The following DPF1 variants were observed in gnomAD, a reference collection of about 807,000 sequenced individuals.
DPF1 encodes the protein double PHD fingers 1, also known as zinc finger protein neuro-d4.
Under a neutral mutation model 58.7 loss-of-function variants are expected in DPF1, and 14 were observed. The ratio of observed to expected loss-of-function variants is 0.24; its 90% CI spans 0.16 to 0.37. The LOEUF (loss-of-function observed/expected upper bound fraction) is 0.37. DPF1 is among the 10% of genes least tolerant of loss of function. DPF1 has a pLI of 1.00. For synonymous variants in DPF1, 216 were observed against 216.0 expected, an observed-to-expected ratio of 1.00 and a Z score of 0.00; for missense variants, 345 against 529.9, an observed-to-expected ratio of 0.65 and a Z score of 3.43.
chr19:38,216,242 C>T lies in DPF1; in HGVS notation c.796G>A (p.Gly266Ser). Reference sequence around the variant, plus strand: ...CAGTAGCCGTTGGGGATGACAGTGCCGTCGGGCGCCTTCTTGGCTGCAAGA... The same window carrying T: ...CAGTAGCCGTTGGGGATGACAGTGCTGTCGGGCGCCTTCTTGGCTGCAAGA... ...RKHTAKKAPD[G>S]TVIPNGYCDF... Residue 266 changes from glycine to serine, a missense_variant, in exon 9 of 12, where the codon GGC (glycine) becomes AGC (serine). Physicochemically the swap from Gly to Ser is moderately conservative, Grantham distance 56 (BLOSUM62 0). Coordinates refer to ENST00000355526, the MANE Select transcript of DPF1 (RefSeq NM_001135155.3). 3 of 1,614,142 alleles carry T rather than the reference C, an allele frequency of 1.9e-6. No individual in the cohort carries two copies. The highest frequency in any genetic ancestry group is 2.5e-6 in the Non-Finnish European group (3 of 1,180,006).
In DPF1 at chr19:38,212,003, A is replaced by G. The variant is rs547033236; in HGVS notation, c.*60T>C. On this transcript the variant is annotated 3_prime_UTR_variant, in exon 12 of 12. Coordinates refer to ENST00000355526, the MANE Select transcript of DPF1 (RefSeq NM_001135155.3). Reference sequence around the variant, plus strand: ...GGATGTTCAGGGTGGGGGAGAATTGAGGAGCTCGGAGAGGCAGGTAGGCGA... The same window carrying G: ...GGATGTTCAGGGTGGGGGAGAATTGGGGAGCTCGGAGAGGCAGGTAGGCGA... 6.4e-7 allele frequency: 1 copy of G among 1,564,306 alleles called. No individual in the cohort carries two copies. The highest frequency in any genetic ancestry group is 2.3e-5 in the East Asian group (1 of 43,844).
chr19:38,228,236 C>T (rs1437828473), upstream of DPF1, among the ~76,000 whole-genome samples: 1 of 151,942 alleles, frequency 6.6e-6, no homozygotes, highest in African/African-American at 2.4e-5. Flanking sequence ...AGGCGCTTGC[C>T]TCTAAGTCCC....
chr19:38,216,238 G>C lies in DPF1; in HGVS notation c.800C>G (p.Thr267Ser), dbSNP rs1464843280. The C allele has an allele frequency of 5.6e-6, 9 of 1,614,084 alleles. No individual in the cohort carries two copies. Among genetic ancestry groups the C allele is most frequent in the African/African-American group, 1.3e-5 (1 of 74,946 alleles). ...KHTAKKAPDG[T>S]VIPNGYCDFC... is the part of the protein sequence containing the mutation. ...GTCACAGTAGCCGTTGGGGATGACA[G>C]TGCCGTCGGGCGCCTTCTTGGCTGC... The change falls in exon 9 of 12, where the codon ACT (threonine) becomes AGT (serine). Residue 267 changes from threonine to serine, a missense_variant. Coordinates refer to ENST00000355526, the MANE Select transcript of DPF1 (RefSeq NM_001135155.3).
Position 38,211,976 on chromosome 19 carries a change from CG to C in DPF1, c.*86del. On this transcript the variant is annotated 3_prime_UTR_variant, in exon 12 of 12. Coordinates refer to ENST00000355526, the MANE Select transcript of DPF1 (RefSeq NM_001135155.3). This position sits in a 1 kb window ranked among gnomAD's most constrained non-coding sequence, Gnocchi z 4.0. ...GCTTCCCCCTCTCCCCCTCCCCCTG[CG>C]GGATGTTCAGGGTGGGGGAGAATTG... is the stretch of plus-strand genomic sequence containing the variant. 6.9e-7 allele frequency: 1 copy of C among 1,454,222 alleles called. No homozygotes were observed. The highest frequency in any genetic ancestry group is 9.4e-7 in the Non-Finnish European group (1 of 1,059,062). The allele number at this position is 1,454,222 out of a possible 1,614,324, so 90.1% of individuals were successfully genotyped here.
chr19:38,217,399 C>CGGG, intron 7 of DPF1, 61 bp downstream of exon 7: 2 of 1,233,482 alleles, frequency 1.6e-6, no homozygotes, highest in Non-Finnish European at 2.2e-6. Context: ...CCACCCCCAG[C>CGGG]TGGGCTCCTC....
chr19:38,214,918 C>A (rs1966902464), intron 9 of DPF1, among the ~76,000 whole-genome samples: 1 of 148,894 alleles, frequency 6.7e-6, no homozygotes. Flanking sequence ...TCATGGCAAC[C>A]TCTGAGCCCC....
chr19:38,221,863 C>T (rs781562397), intron 3 of DPF1, among the ~76,000 whole-genome samples: 35 of 152,050 alleles, frequency 2.3e-4, no homozygotes, highest in Non-Finnish European at 4.1e-4. Context: ...GGCCAGATCA[C>T]CTGAGGTCAG....
Position 38,222,458 on chromosome 19 carries a change from G to A in DPF1, c.197C>T (p.Ala66Val), listed in dbSNP as rs1281376548. The change falls in exon 3 of 12, where the codon GCC becomes GTC. Residue 66 changes from alanine (A) to valine (V), a missense_variant. Coordinates refer to ENST00000355526, the MANE Select transcript of DPF1 (RefSeq NM_001135155.3). This position sits in a 1 kb window ranked among gnomAD's most constrained non-coding sequence, Gnocchi z 4.9. ...GGGGTACGTGTAAATCTGTCCCGGG[G>A]CCAAACCTGGAGAGAGAGGGGGGTG... Reference protein sequence around the residue: ...MEKTHRGPGLAPGQIYTYPAR... With the variant: ...MEKTHRGPGLVPGQIYTYPAR... The A allele has an allele frequency of 6.3e-7, 1 of 1,583,500 alleles. No homozygotes were observed. Among genetic ancestry groups the A allele is most frequent in the Non-Finnish European group, 8.5e-7 (1 of 1,170,788 alleles).
At position 38,219,005 on chromosome 19, in the gene DPF1, C is replaced by T. The variant is rs913780588; in HGVS notation, c.352G>A (p.Glu118Lys). 3.1e-6 allele frequency: 5 copies of T among 1,614,178 alleles called. No individual in the cohort carries two copies. Among genetic ancestry groups the T allele is most frequent in the South Asian group, 1.1e-5 (1 of 91,086 alleles). Residue 118 changes from glutamate to lysine, a missense_variant, in exon 4 of 12, where the codon GAG (glutamate) becomes AAG (lysine). Coordinates refer to ENST00000355526, the MANE Select transcript of DPF1 (RefSeq NM_001135155.3). ...CCCGTCTCTGCACACAGTAGAGCCT[C>T]GAGGACCGGCCCTTCCGGGAGGCCA... Reference protein sequence around the residue: ...EGGLPEGPVLEALLCAETGEK... With the variant: ...EGGLPEGPVLKALLCAETGEK...
chr19:38,217,722 G>A, intron 6 of DPF1, 76 bp downstream of exon 6: 1 of 1,600,688 alleles, frequency 6.2e-7, no homozygotes, highest in Non-Finnish European at 8.5e-7. Flanking sequence ...GTCTGGAACG[G>A]GAGGGAGAGG....
chr19:38,217,918 A>T, intron 5 of DPF1, 42 bp from the exon 6 acceptor site: 1 of 1,608,142 alleles, frequency 6.2e-7, no homozygotes, highest in Non-Finnish European at 8.5e-7. Context: ...AAAGTGAGAA[A>T]ACAGGCCAGG....
At position 38,216,185 on chromosome 19, in the gene DPF1, C is replaced by A; in HGVS notation, c.853G>T (p.Gly285Trp). 6.2e-7 allele frequency: 1 copy of A among 1,614,128 alleles called. No individual in the cohort carries two copies. The highest frequency in any genetic ancestry group is 8.5e-7 in the Non-Finnish European group (1 of 1,180,024). The change falls in exon 9 of 12, where the codon GGG becomes TGG. Residue 285 changes from glycine to tryptophan, a missense_variant. Gly to Trp is a radical substitution (Grantham distance 184). Transcript: ENST00000355526. ...DFCLGGSKKT[G>W]CPEDLISCAD... ...CAGGAGATGAGGTCCTCGGGACACC[C>A]CGTCTTCTTGGAGCCCCCCAGGCAG...
At position 38,222,243 on chromosome 19, in the gene DPF1, GAC is replaced by G. The variant is rs1165313320; in HGVS notation, c.298+112_298+113del. 1 of 955,238 alleles carries G rather than the reference GAC, an allele frequency of 1.0e-6. No homozygotes were observed. The highest frequency in any genetic ancestry group is 1.6e-6 in the Non-Finnish European group (1 of 636,508). The allele number at this position is 955,238 out of a possible 1,614,324, so 59.2% of individuals were successfully genotyped here. On this transcript the variant is annotated intron_variant, in intron 3 of 11. Transcript: ENST00000355526. This position sits in a 1 kb window ranked among gnomAD's most constrained non-coding sequence, Gnocchi z 4.9. ...CACCCGGGACGCACATGGGCAGACA[GAC>G]ACACAGCCAGCCAGGCAGACACTTG...
chr19:38,221,179 CTG>C (rs982796089), intron 3 of DPF1, among the ~76,000 whole-genome samples: 12 of 152,146 alleles, frequency 7.9e-5, no homozygotes, highest in Admixed American at 6.6e-4. Context: ...CAACCAGACA[CTG>C]AGACATCCAG....
At chr19:38,223,039 A>C in intron 1 of DPF1, 4 of 324,328 alleles carry the variant, frequency 1.2e-5, no homozygotes, top group Non-Finnish European at 1.1e-5. Flanking sequence ...TTCACACACA[A>C]AGAGAGACAA....
In DPF1 at chr19:38,229,409, T is replaced by G. The variant is rs991352754; in HGVS notation, c.-132+150A>C. 4.6e-5 allele frequency: 11 copies of G among 238,846 alleles called. No individual in the cohort carries two copies. In the Admixed American group the frequency reaches 6.9e-4, roughly 15 times the overall value. The allele number at this position is 238,846 out of a possible 1,614,324, so 14.8% of individuals were successfully genotyped here. A position where few individuals can be genotyped will look rare whatever the true frequency, so the allele number is the denominator to read the frequency against. On this transcript the variant is annotated intron_variant, in intron 1 of 11. Coordinates refer to the DPF1 transcript ENST00000412732. This position sits in a 1 kb window ranked among gnomAD's most constrained non-coding sequence, Gnocchi z 5.3. ...CCCAACCCCAGGGGGCGACAGGGGGTGGGGACCCCCGGGGCAAGGGTTCGC... is the reference window on the plus strand; with the variant it reads ...CCCAACCCCAGGGGGCGACAGGGGGGGGGGACCCCCGGGGCAAGGGTTCGC...
rs1967966134 is a variant in DPF1 at position 38,229,620 on chromosome 19, G to A, written c.-193C>T. The A allele has an allele frequency of 3.8e-6, 4 of 1,056,738 alleles. No homozygotes were observed. The highest frequency in any genetic ancestry group is 4.6e-6 in the Non-Finnish European group (4 of 875,556). 65.5% of individuals were successfully genotyped at this position (1,056,738 alleles called of 1,614,324 possible). On this transcript the variant is annotated 5_prime_UTR_variant, in exon 1 of 12. Coordinates refer to the DPF1 transcript ENST00000412732. This position sits in a 1 kb window ranked among gnomAD's most constrained non-coding sequence, Gnocchi z 5.3. ...CGCTCGGCTGGGCCGCCTCCGGCCC[G>A]GGGCGCCGCTGCCGCCGCGCGCGGG...
At chr19:38,217,263 C>T (rs537432554) in intron 7 of DPF1, 197 bp downstream of exon 7, 38 of 680,768 alleles carry the variant, frequency 5.6e-5, no homozygotes, top group African/African-American at 3.6e-4. Flanking sequence ...ATATTACGCC[C>T]GGCCAGGAGC....
At chr19:38,213,553 G>A in intron 10 of DPF1, 91 bp downstream of exon 10, 4 of 1,123,914 alleles carry the variant, frequency 3.6e-6, no homozygotes, top group Middle Eastern at 2.3e-4. Flanking sequence ...CACCAGGGAA[G>A]GCTCAGGCAC....
Sources: allele counts gnomAD v4.1 joint callset (sites outside exome capture counted in the v4.1 genomes callset), GRCh38; gene constraint gnomAD v4.1.1; non-coding constraint Gnocchi (gnomAD v3.1); transcripts MANE v1.5; gene names NCBI Gene and HGNC (gene_info 2026-07-23, HGNC 2026-07-21).